Variants in IRGM observed in about 807,000 individuals in gnomAD.
IRGM encodes the protein immunity related GTPase M.
For missense variants in IRGM, 288 were observed against 219.9 expected (o/e 1.31, Z -1.96); for synonymous variants, 98 against 80.6 (o/e 1.22, Z -1.16).
intron 3 of IRGM, chr5:150,894,771 C>G (rs1382687162): frequency 1.3e-5 from 2 of 152,336 alleles, no homozygotes; most frequent in Non-Finnish European, 2.9e-5. Context: ...CCAAGGCCAT[C>G]TGGCCTCAGT....
At position 150,846,978 on chromosome 5, in the gene IRGM, A is replaced by G. The variant is rs1056683060; in HGVS notation, c.-658A>G. 2.6e-5 allele frequency: 4 copies of G among 152,338 alleles called. No individual in the cohort carries two copies. Among genetic ancestry groups the G allele is most frequent in the African/African-American group, 7.2e-5 (3 of 41,418 alleles). 9.4% of individuals were successfully genotyped at this position (152,338 alleles called of 1,614,324 possible). ...CACCTTCTTTTAATCAGTCTCAAATACCTGGCCCCTTGTGGAACCTGCAAG... is the reference window on the plus strand; with the variant it reads ...CACCTTCTTTTAATCAGTCTCAAATGCCTGGCCCCTTGTGGAACCTGCAAG... On this transcript the variant is annotated 5_prime_UTR_variant, in exon 1 of 2. It adds an upstream start codon to the 5' untranslated region. Transcript: ENST00000522154.
intron 1 of IRGM, among the ~76,000 whole-genome samples, chr5:150,866,506 T>C (rs984095487): frequency 2.0e-5 from 3 of 152,228 alleles, no homozygotes; most frequent in Non-Finnish European, 4.4e-5. Flanking sequence ...TGAGATGATC[T>C]GAAATTTTGA....
chr5:150,897,891 A>C lies in IRGM; in HGVS notation c.*141-2698A>C, dbSNP rs1017228736. 14 of 721,928 alleles carry C rather than the reference A, an allele frequency of 1.9e-5. No individual in the cohort carries two copies. In the Admixed American group the frequency reaches 3.2e-4, roughly 17 times the overall value. 44.7% of individuals were successfully genotyped at this position (721,928 alleles called of 1,614,324 possible). A position where few individuals can be genotyped will look rare whatever the true frequency, so the allele number is the denominator to read the frequency against. ...ATATAAACATATATATATACACACA[A>C]GAGACAGGATCAACAACAAATAGAA... On this transcript the variant is annotated intron_variant and NMD_transcript_variant, in intron 3 of 3. Transcript: ENST00000520549.
At chr5:150,877,289 A>G (rs771189283) in intron 1 of IRGM, among the ~76,000 whole-genome samples, 23 of 152,158 alleles carry the variant, frequency 1.5e-4, no homozygotes, top group Non-Finnish European at 2.4e-4. Flanking sequence ...AGGCAGACCC[A>G]CACTCAATCT....
chr5:150,893,393 C>T (rs1056868280), intron 3 of IRGM, among the ~76,000 whole-genome samples: 8 of 152,140 alleles, frequency 5.3e-5, no homozygotes, highest in African/African-American at 1.4e-4. Flanking sequence ...GTCTTAGCTA[C>T]TCTTGCCTTG....
At chr5:150,874,468 G>A (rs1754333931) in intron 1 of IRGM, among the ~76,000 whole-genome samples, 1 of 152,188 alleles carries the variant, frequency 6.6e-6, no homozygotes, top group South Asian at 2.1e-4. Flanking sequence ...TCCTTCTAAG[G>A]TGAAGGATAA....
chr5:150,898,404 G>GTT, intron 3 of IRGM: 1 of 1,613,364 alleles, frequency 6.2e-7, no homozygotes, highest in African/African-American at 1.3e-5. Context: ...ACAACTCTGA[G>GTT]TTATTCAGGG....
At chr5:150,859,278 C>A (rs1040418017) in intron 1 of IRGM, among the ~76,000 whole-genome samples, 2 of 152,072 alleles carry the variant, frequency 1.3e-5, no homozygotes, top group Non-Finnish European at 2.9e-5. Flanking sequence ...GGATGAAGCC[C>A]ACTTGATCAT....
intron 1 of IRGM, among the ~76,000 whole-genome samples, chr5:150,860,960 C>G (rs1380710756): frequency 6.6e-6 from 1 of 152,104 alleles, no homozygotes; most frequent in Non-Finnish European, 1.5e-5. Context: ...ACTCTAATGT[C>G]TGTCAAGATT....
downstream of IRGM, chr5:150,848,757 C>A: frequency 3.2e-6 from 3 of 924,686 alleles, no homozygotes; most frequent in Non-Finnish European, 1.6e-6. Flanking sequence ...ACACCTGGTG[C>A]AGAAGGGTAT....
chr5:150,857,147 G>A (rs914481051), intron 1 of IRGM, among the ~76,000 whole-genome samples: 2 of 151,118 alleles, frequency 1.3e-5, no homozygotes, highest in Admixed American at 1.3e-4. Context: ...TGTTCTCATT[G>A]TTCATTTCCC....
At chr5:150,898,638 T>G in intron 3 of IRGM, 1 of 1,415,780 alleles carries the variant, frequency 7.1e-7, no homozygotes, top group Non-Finnish European at 9.5e-7. Flanking sequence ...CCACACCTAG[T>G]TTTGTATAAT....
intron 1 of IRGM, among the ~76,000 whole-genome samples, chr5:150,872,005 C>T (rs1228266652): frequency 1.3e-5 from 2 of 152,194 alleles, no homozygotes; most frequent in Admixed American, 1.3e-4. Context: ...TAATCTCCCT[C>T]TAGCACACCA....
chr5:150,895,465 G>C, intron 3 of IRGM: 3 of 1,612,384 alleles, frequency 1.9e-6, no homozygotes, highest in Non-Finnish European at 2.5e-6. Context: ...TGTACAGTTA[G>C]TTGTGACTTC....
Position 150,891,692 on chromosome 5 carries a change from C to T in IRGM, c.*141-8897C>T, listed in dbSNP as rs187364837. 8.4e-4 allele frequency among the ~76,000 whole-genome samples: 128 copies of T among 152,110 alleles called. 1 individual carries two copies. The highest frequency in any genetic ancestry group is 3.0e-3 in the African/African-American group (124 of 41,512). ...TGACCATGTTTTGCCAGCAGATGAC[C>T]ATGTAGCCATTCCAATGACAGGCAC... On this transcript the variant is annotated intron_variant and NMD_transcript_variant, in intron 3 of 3. Coordinates refer to the IRGM transcript ENST00000520549.
At chr5:150,899,224 G>C (rs904387380) in intron 3 of IRGM, among the ~76,000 whole-genome samples, 1 of 152,140 alleles carries the variant, frequency 6.6e-6, no homozygotes, top group South Asian at 2.1e-4. Flanking sequence ...AAGCCACCCA[G>C]TTTGTGGTAC....
In IRGM at chr5:150,848,159, T is replaced by A; in HGVS notation, c.36T>A (p.Asp12Glu). The A allele has an allele frequency of 6.5e-7, 1 of 1,550,380 alleles. No homozygotes were observed. Among genetic ancestry groups the A allele is most frequent in the Non-Finnish European group, 8.7e-7 (1 of 1,146,052 alleles). ...EAMNVEKASA[D>E]GNLPEVISNI... ...TGAATGTTGAGAAAGCCTCAGCAGA[T>A]GGGAACTTGCCAGAGGTGATCTCTA... Residue 12 changes from aspartate to glutamate, a missense_variant, in exon 2 of 2, where the codon GAT (aspartate) becomes GAA (glutamate). Transcript: ENST00000522154.
intron 1 of IRGM, among the ~76,000 whole-genome samples, chr5:150,872,970 C>CTGTATGCCAGATCTAACAG (rs1166642990): frequency 6.6e-6 from 1 of 152,168 alleles, no homozygotes; most frequent in African/African-American, 2.4e-5. Flanking sequence ...TTGCTCTTCT[C>CTGTATGCCAGATCTAACAG]TGTATGCCAG....
At chr5:150,895,875 T>C in intron 3 of IRGM, 1 of 1,613,696 alleles carries the variant, frequency 6.2e-7, no homozygotes, top group Non-Finnish European at 8.5e-7. Flanking sequence ...AACTAACTGA[T>C]GTGTAATGAG....
Sources: allele counts gnomAD v4.1 joint callset (sites outside exome capture counted in the v4.1 genomes callset), GRCh38; gene constraint gnomAD v4.1.1; transcripts MANE v1.5; gene names NCBI Gene and HGNC (gene_info 2026-07-23, HGNC 2026-07-21).